The following ABCC4 variants were observed in gnomAD, a reference collection of about 807,000 sequenced individuals.
The protein encoded by ABCC4 is ATP-binding cassette sub-family C member 4.
Under a neutral mutation model 168.5 loss-of-function variants are expected in ABCC4, and 102 were observed. That is an observed-to-expected ratio of 0.61 (90% confidence interval 0.52 to 0.71). The LOEUF is 0.71. Among genes scored for constraint, ABCC4 ranks in the 30% least tolerant of loss-of-function variants. The probability of loss-of-function intolerance (pLI) is 0.00; values close to 1 mark genes in which losing one functional copy is unlikely to be tolerated. For missense variants in ABCC4, 1,402 were observed against 1,605.8 expected (o/e 0.87, Z 2.17); for synonymous variants, 617 against 590.7 (o/e 1.04, Z -0.65).
At chr13:95,212,295 CT>C (rs567027918) in intron 4 of ABCC4, among the ~76,000 whole-genome samples, 2 of 152,168 alleles carry the variant, frequency 1.3e-5, no homozygotes, top group South Asian at 2.1e-4. Flanking sequence ...CAGCCCGCCC[CT>C]GTAGGAAAGA....
intron 13 of ABCC4, 100 bp from the exon 14 acceptor site, chr13:95,170,728 T>C (rs1296275307): frequency 1.5e-6 from 1 of 676,424 alleles, no homozygotes; most frequent in Non-Finnish European, 2.4e-6. Flanking sequence ...AACACAGTAG[T>C]CAAAGATCTA....
intron 19 of ABCC4, among the ~76,000 whole-genome samples, chr13:95,148,152 CA>C (rs1311256347): frequency 1.3e-5 from 2 of 151,954 alleles, no homozygotes; most frequent in Non-Finnish European, 2.9e-5. Flanking sequence ...CTCAATTAGT[CA>C]AAAAAATCAA....
In ABCC4 at chr13:95,188,469, G is replaced by A; in HGVS notation, c.1337C>T (p.Pro446Leu). 1 of 1,614,108 alleles carries A rather than the reference G, an allele frequency of 6.2e-7. No homozygotes were observed. Among genetic ancestry groups the A allele is most frequent in the Non-Finnish European group, 8.5e-7 (1 of 1,180,012 alleles). ...RPGELLAVVG[P>L]VGAGKSSLLS... ...CTAACTCACCTTCCCTGCTCCCACGGGGCCGACCACAGCTAACAATTCGCC... is the reference window on the plus strand; with the variant it reads ...CTAACTCACCTTCCCTGCTCCCACGAGGCCGACCACAGCTAACAATTCGCC... The change falls in exon 10 of 31, where the codon CCC becomes CTC. Residue 446 changes from proline to leucine, a missense_variant. By Grantham distance (98) the Pro-to-Leu change is moderately conservative. Around this residue, in one of 3 missense-constraint regions of ABCC4, gnomAD observed 1,007 missense variants for 1,127.3 expected, o/e 0.89. Coordinates refer to ENST00000645237, the MANE Select transcript of ABCC4 (RefSeq NM_005845.5).
At position 95,115,971 on chromosome 13, in the gene ABCC4, A is replaced by G; in HGVS notation, c.2486T>C (p.Ile829Thr). 1 of 1,613,586 alleles carries G rather than the reference A, an allele frequency of 6.2e-7. No homozygotes were observed. The highest frequency in any genetic ancestry group is 8.5e-7 in the Non-Finnish European group (1 of 1,179,902). ...GRILNRFSKD[I>T]GHLDDLLPLT... ...CGGCAGCAAATCATCCAAGTGTCCA[A>G]TGTCTTTGGAGAAACGATTTAAAAT... Residue 829 changes from isoleucine (I) to threonine (T), a missense_variant, in exon 20 of 31, where the codon ATT (isoleucine) becomes ACT (threonine). By Grantham distance (89) the Ile-to-Thr change is moderately conservative. Coordinates refer to ENST00000645237, the MANE Select transcript of ABCC4 (RefSeq NM_005845.5).
At chr13:95,199,122 T>TA (rs1226459835) in intron 8 of ABCC4, among the ~76,000 whole-genome samples, 1 of 152,102 alleles carries the variant, frequency 6.6e-6, no homozygotes, top group African/African-American at 2.4e-5. Flanking sequence ...AAAAGTATAA[T>TA]AAAAAAATTA....
At chr13:95,265,482 T>C (rs931060650) in intron 1 of ABCC4, among the ~76,000 whole-genome samples, 8 of 151,482 alleles carry the variant, frequency 5.3e-5, no homozygotes, top group African/African-American at 1.9e-4. Flanking sequence ...AGGTAAAACA[T>C]GAAATTAGCC....
intron 20 of ABCC4, among the ~76,000 whole-genome samples, chr13:95,092,014 T>C (rs1486113066): frequency 6.6e-6 from 1 of 152,150 alleles, no homozygotes; most frequent in Non-Finnish European, 1.5e-5. Context: ...GCAGCTATTC[T>C]TATATCAGAC....
chr13:95,247,190 G>C lies in ABCC4; in HGVS notation c.186-95C>G. 2.9e-6 allele frequency: 4 copies of C among 1,370,862 alleles called. No individual in the cohort carries two copies. In the East Asian group the frequency reaches 9.3e-5, roughly 32 times the overall value. The allele number at this position is 1,370,862 out of a possible 1,614,324, so 84.9% of individuals were successfully genotyped here. ...AGTGACAGGTATGCATTTAAGACAG[G>C]GCATTTTGTGACGATTTCATAAATG... On this transcript the variant is annotated intron_variant, in intron 2 of 30. Transcript: ENST00000645237.
chr13:95,116,958 C>T lies in ABCC4; in HGVS notation c.2456-957G>A, dbSNP rs1253934136. Among the ~76,000 whole-genome samples the T allele has an allele frequency of 3.3e-5, 5 of 152,112 alleles. No individual in the cohort carries two copies. In the South Asian group the frequency reaches 8.3e-4, roughly 25 times the overall value. The stretch of plus-strand genomic sequence containing the variant: ...TGTCAGGATTGACTTCGTCCTGGGG[C>T]CTTTATACCAGGCTGCAAGTGGACC... On this transcript the variant is annotated intron_variant, in intron 19 of 30. Transcript: ENST00000645237.
chr13:95,287,056 TGGG>T (rs1303448926), intron 1 of ABCC4, among the ~76,000 whole-genome samples: 2 of 152,132 alleles, frequency 1.3e-5, no homozygotes, highest in Non-Finnish European at 2.9e-5. Context: ...TCTAGCACTT[TGGG>T]AGGCCAAGGT....
chr13:95,258,045 C>G (rs9561820), intron 1 of ABCC4, among the ~76,000 whole-genome samples: 1 of 152,086 alleles, frequency 6.6e-6, no homozygotes, highest in African/African-American at 2.4e-5. Flanking sequence ...TTTGTCCCAA[C>G]AAGAACCAGA....
chr13:95,106,600 G>A (rs1205983609), intron 20 of ABCC4, among the ~76,000 whole-genome samples: 1 of 151,980 alleles, frequency 6.6e-6, no homozygotes, highest in East Asian at 1.9e-4. Flanking sequence ...ACCTTCTTGT[G>A]AGACCCTGAT....
intron 1 of ABCC4, among the ~76,000 whole-genome samples, chr13:95,276,724 G>C (rs1197555924): frequency 2.6e-5 from 4 of 152,166 alleles, no homozygotes; most frequent in African/African-American, 9.6e-5. Context: ...AATAAAAAAG[G>C]ATACAACCCA....
At chr13:95,261,795 G>A (rs142107245) in intron 1 of ABCC4, among the ~76,000 whole-genome samples, 112 of 152,174 alleles carry the variant, frequency 7.4e-4, no homozygotes, top group African/African-American at 2.6e-3. Context: ...TACTGAAAAC[G>A]TTAATAAGAA....
chr13:95,161,585 G>A (rs899211636), intron 18 of ABCC4, among the ~76,000 whole-genome samples: 2 of 152,086 alleles, frequency 1.3e-5, no homozygotes, highest in African/African-American at 4.8e-5. Flanking sequence ...TTCATTCTAG[G>A]CTCTAATTCA....
chr13:95,075,332 GC>G (rs1192068367), intron 22 of ABCC4, 99 bp downstream of exon 22: 1 of 1,510,494 alleles, frequency 6.6e-7, no homozygotes, highest in African/African-American at 1.4e-5. Context: ...GTGGGGCTGG[GC>G]CCTGAGGTGC....
chr13:95,021,359 T>A lies in ABCC4; in HGVS notation c.*216A>T, dbSNP rs1307716039. On this transcript the variant is annotated 3_prime_UTR_variant, in exon 31 of 31. Coordinates refer to ENST00000645237, the MANE Select transcript of ABCC4 (RefSeq NM_005845.5). ...TTAACTGGTGGCCTGCACCTCTGAT[T>A]TGGATTTTAAAAAACAACTATTGAC... The A allele has an allele frequency of 2.1e-6, 1 of 478,820 alleles. No homozygotes were observed. Among genetic ancestry groups the A allele is most frequent in the Non-Finnish European group, 3.7e-6 (1 of 271,920 alleles). 29.7% of individuals were successfully genotyped at this position (478,820 alleles called of 1,614,324 possible).
In ABCC4 at chr13:95,163,635, G is replaced by A. The variant is rs1301507232; in HGVS notation, c.2188C>T (p.Leu730Phe). 1 of 1,612,122 alleles carries A rather than the reference G, an allele frequency of 6.2e-7. No homozygotes were observed. The highest frequency in any genetic ancestry group is 1.6e-4 in the Middle Eastern group (1 of 6,062). Residue 730 changes from leucine (L) to phenylalanine (F), a missense_variant, in exon 17 of 31, where the codon CTT becomes TTT. This residue lies in a region of ABCC4 where 1,007 missense variants were observed against 1,127.3 expected (regional missense o/e 0.89). Transcript: ENST00000645237. ...CAGTATGAAAGCCACCAATCTTGAA[G>A]CACATAGGCAACCTAGGAGGGGAGA... ...LNTAAQVAYV[L>F]QDWWLSYWAN...
chr13:95,042,876 C>A (rs1380947948), intron 29 of ABCC4, among the ~76,000 whole-genome samples: 2 of 152,172 alleles, frequency 1.3e-5, no homozygotes, highest in East Asian at 3.9e-4. Context: ...AACAGCAAAT[C>A]CCAACAAGAA....
Sources: allele counts gnomAD v4.1 joint callset (sites outside exome capture counted in the v4.1 genomes callset), GRCh38; gene constraint gnomAD v4.1.1; regional missense constraint gnomAD v4.1.1; transcripts MANE v1.5; gene names NCBI Gene and HGNC (gene_info 2026-07-23, HGNC 2026-07-21).